The following TMEM232 variants were observed in gnomAD, a reference collection of about 807,000 sequenced individuals.
TMEM232 encodes the protein transmembrane protein 232.
Under a neutral mutation model 78.8 loss-of-function variants are expected in TMEM232, and 80 were observed. That is an observed-to-expected ratio of 1.01 (90% CI 0.85 to 1.22). The LOEUF is 1.22. Among genes scored for constraint, TMEM232 ranks in the 50% most tolerant of loss-of-function variants. TMEM232 has a pLI of 0.00. For synonymous variants in TMEM232, 297 were observed against 254.3 expected, an observed-to-expected ratio of 1.17 and a Z score of -1.60; for missense variants, 881 against 742.2, an observed-to-expected ratio of 1.19 and a Z score of -2.17.
intron 1 of TMEM232, among the ~76,000 whole-genome samples, chr5:110,668,381 T>C (rs773300443): frequency 3.3e-4 from 50 of 152,094 alleles, no homozygotes; most frequent in Non-Finnish European, 5.9e-4. Context: ...GCCTGGAGGA[T>C]AGAAACTCCA....
Position 110,528,823 on chromosome 5 carries a change from C to T in TMEM232, c.1468G>A (p.Asp490Asn), listed in dbSNP as rs1214261571. 1 of 1,460,848 alleles carries T rather than the reference C, an allele frequency of 6.8e-7. No homozygotes were observed. The highest frequency in any genetic ancestry group is 9.0e-7 in the Non-Finnish European group (1 of 1,105,894). 90.5% of individuals were successfully genotyped at this position (1,460,848 alleles called of 1,614,324 possible). Residue 490 changes from aspartate to asparagine, a missense_variant, in exon 12 of 14, where the codon GAC (aspartate) becomes AAC (asparagine). Physicochemically the swap from Asp to Asn is conservative, Grantham distance 23 (BLOSUM62 1). Transcript: ENST00000455884. ...TATCTAGTGAAAGGATCAGTTGGGTCATTTAACTCAGCCTGTTGAAAGAAA... is the reference window on the plus strand; with the variant it reads ...TATCTAGTGAAAGGATCAGTTGGGTTATTTAACTCAGCCTGTTGAAAGAAA... ...AINIAQAELN[D>N]PTDPFTRYST... is the part of the protein sequence containing the mutation.
intron 12 of TMEM232, among the ~76,000 whole-genome samples, chr5:110,497,955 T>G (rs947750316): frequency 6.6e-6 from 1 of 152,112 alleles, no homozygotes; most frequent in Admixed American, 6.6e-5. Flanking sequence ...TATGCAGCCC[T>G]TGGATATGGG....
intron 2 of TMEM232, among the ~76,000 whole-genome samples, chr5:110,657,891 CTT>C (rs1277138370): frequency 6.6e-6 from 1 of 151,932 alleles, no homozygotes; most frequent in Non-Finnish European, 1.5e-5. Flanking sequence ...ATTGACTACT[CTT>C]TTGATAAGTT....
intron 12 of TMEM232, among the ~76,000 whole-genome samples, chr5:110,498,126 A>G (rs1443833571): frequency 1.3e-5 from 2 of 152,198 alleles, no homozygotes; most frequent in Non-Finnish European, 2.9e-5. Context: ...TGTATATGTA[A>G]AATAAAGTAT....
intron 12 of TMEM232, among the ~76,000 whole-genome samples, chr5:110,427,227 C>A (rs878886426): frequency 6.6e-6 from 1 of 151,876 alleles, no homozygotes; most frequent in Non-Finnish European, 1.5e-5. Context: ...GTTATTTAAT[C>A]CCTCTGTTCT....
At chr5:110,486,612 A>G (rs113902197) in intron 12 of TMEM232, among the ~76,000 whole-genome samples, 15,808 of 152,142 alleles carry the variant, frequency 0.1, 1,113 homozygotes, top group Middle Eastern at 0.19. Flanking sequence ...TTTGTCAAAG[A>G]TCAGTTGGCT....
In TMEM232 at chr5:110,528,820, G is replaced by C. The variant is rs762088969; in HGVS notation, c.1471C>G (p.Pro491Ala). 1 of 1,472,276 alleles carries C rather than the reference G, an allele frequency of 6.8e-7. No individual in the cohort carries two copies. Among genetic ancestry groups the C allele is most frequent in the East Asian group, 2.5e-5 (1 of 39,302 alleles). 91.2% of individuals were successfully genotyped at this position (1,472,276 alleles called of 1,614,324 possible). A position where few individuals can be genotyped will look rare whatever the true frequency, so the allele number is the denominator to read the frequency against. Residue 491 changes from proline to alanine, a missense_variant, in exon 12 of 14, where the codon CCA (proline) becomes GCA (alanine). Coordinates refer to ENST00000455884, the MANE Select transcript of TMEM232 (RefSeq NM_001039763.4). Reference sequence around the variant, plus strand: ...CTATATCTAGTGAAAGGATCAGTTGGGTCATTTAACTCAGCCTGTTGAAAG... The same window carrying C: ...CTATATCTAGTGAAAGGATCAGTTGCGTCATTTAACTCAGCCTGTTGAAAG... The part of the protein sequence containing the change: ...INIAQAELND[P>A]TDPFTRYSTN...
intron 1 of TMEM232, among the ~76,000 whole-genome samples, chr5:110,690,768 T>C (rs1045852435): frequency 6.6e-6 from 1 of 152,142 alleles, no homozygotes; most frequent in Non-Finnish European, 1.5e-5. Context: ...ATGTAGCACA[T>C]ATACACCATG....
chr5:110,564,868 G>A (rs1173324267), intron 11 of TMEM232, among the ~76,000 whole-genome samples: 1 of 151,864 alleles, frequency 6.6e-6, no homozygotes, highest in Admixed American at 6.6e-5. Context: ...TTTGGAAACA[G>A]ATAAATAAAG....
At position 110,485,386 on chromosome 5, in the gene TMEM232, T is replaced by C. The variant is rs369143215; in HGVS notation, c.1703+43202A>G. Reference sequence around the variant, plus strand: ...GAGTAAGTTGGTGATTTGTGAGATTTTGGTGCACCCATCACCTGAGAAGTA... The same window carrying C: ...GAGTAAGTTGGTGATTTGTGAGATTCTGGTGCACCCATCACCTGAGAAGTA... On this transcript the variant is annotated intron_variant, in intron 12 of 13. Coordinates refer to ENST00000455884, the MANE Select transcript of TMEM232 (RefSeq NM_001039763.4). 6.6e-5 allele frequency among the ~76,000 whole-genome samples: 10 copies of C among 152,230 alleles called. 1 individual carries two copies. The East Asian group carries it at 7.7e-4, about 12-fold the overall frequency.
chr5:110,657,575 G>T (rs777275326), intron 2 of TMEM232, among the ~76,000 whole-genome samples: 2 of 152,176 alleles, frequency 1.3e-5, no homozygotes, highest in Non-Finnish European at 2.9e-5. Context: ...GGGTAGAATT[G>T]TTGTTACCAG....
chr5:110,405,761 G>A (rs550975429), intron 2 of TMEM232, among the ~76,000 whole-genome samples: 1 of 149,046 alleles, frequency 6.7e-6, no homozygotes, highest in South Asian at 2.1e-4. Flanking sequence ...AAGTAAACAG[G>A]CCATCTGTAA....
At chr5:110,446,977 C>T (rs1396859572) in intron 12 of TMEM232, among the ~76,000 whole-genome samples, 3 of 151,646 alleles carry the variant, frequency 2.0e-5, no homozygotes, top group Non-Finnish European at 4.4e-5. Flanking sequence ...AATTGAGGAC[C>T]CTCGTACTCT....
intron 8 of TMEM232, among the ~76,000 whole-genome samples, chr5:110,614,972 T>C (rs550424650): frequency 6.6e-6 from 1 of 152,100 alleles, no homozygotes; most frequent in Admixed American, 6.6e-5. Flanking sequence ...CATTTTAGTT[T>C]CATATTTATA....
At chr5:110,497,574 T>C (rs2149434828) in intron 12 of TMEM232, among the ~76,000 whole-genome samples, 1 of 152,296 alleles carries the variant, frequency 6.6e-6, no homozygotes, top group Admixed American at 6.5e-5. Context: ...CAAAAATCCA[T>C]ATTTTCAGCT....
intron 1 of TMEM232, among the ~76,000 whole-genome samples, chr5:110,724,525 T>A (rs1358403796): frequency 6.6e-6 from 1 of 152,224 alleles, no homozygotes; most frequent in African/African-American, 2.4e-5. Context: ...ACTGACAAGC[T>A]AGAAATTTCA....
At chr5:110,606,387 T>C (rs562923069) in intron 8 of TMEM232, 100 bp from the exon 9 acceptor site, 4 of 1,119,884 alleles carry the variant, frequency 3.6e-6, no homozygotes, top group East Asian at 2.6e-5. Context: ...AGGAAATGCA[T>C]GTCTGCATTA....
upstream of TMEM232, among the ~76,000 whole-genome samples, chr5:110,727,829 G>T (rs192046007): frequency 2.2e-4 from 33 of 152,192 alleles, no homozygotes; most frequent in East Asian, 5.8e-3. Flanking sequence ...TAAGTTAAAG[G>T]TAATAATGAA....
intron 5 of TMEM232, 49 bp from the exon 6 acceptor site, chr5:110,627,929 GT>G: frequency 8.1e-7 from 1 of 1,234,050 alleles, no homozygotes; most frequent in African/African-American, 1.6e-5. Flanking sequence ...ATCAATAAAT[GT>G]TTAAAAACCA....
Sources: allele counts gnomAD v4.1 joint callset (sites outside exome capture counted in the v4.1 genomes callset), GRCh38; gene constraint gnomAD v4.1.1; transcripts MANE v1.5; gene names NCBI Gene and HGNC (gene_info 2026-07-23, HGNC 2026-07-21).